The following ANO6 variants were observed in gnomAD, a reference collection of about 807,000 sequenced individuals.
ANO6 encodes the protein anoctamin-6.
In ANO6, 106 loss-of-function variants were observed where a neutral mutation model predicts 117.5. That is an observed-to-expected ratio of 0.90 (90% CI 0.77 to 1.06). The LOEUF (loss-of-function observed/expected upper bound fraction) is 1.06. Among genes scored for constraint, ANO6 ranks in the 50% least tolerant of loss-of-function variants. ANO6 has a pLI of 0.00. For missense variants in ANO6, 955 were observed against 1,121.1 expected (o/e 0.85, Z 2.12); for synonymous variants, 367 against 385.1 (o/e 0.95, Z 0.55).
chr12:45,333,154 A>C (rs1940724523), intron 3 of ANO6, among the ~76,000 whole-genome samples: 1 of 152,060 alleles, frequency 6.6e-6, no homozygotes, highest in Admixed American at 6.6e-5. Flanking sequence ...GATTAAATAA[A>C]ATAACATATA....
At chr12:45,221,293 TCAGA>T (rs1165444261) in intron 1 of ANO6, among the ~76,000 whole-genome samples, 1 of 152,174 alleles carries the variant, frequency 6.6e-6, no homozygotes, top group Non-Finnish European at 1.5e-5. Context: ...CTCTGCATCA[TCAGA>T]CAGAGATTTG....
chr12:45,260,265 C>G (rs926432193), intron 1 of ANO6, among the ~76,000 whole-genome samples: 1 of 152,218 alleles, frequency 6.6e-6, no homozygotes, highest in Non-Finnish European at 1.5e-5. Context: ...TTTCCATTAT[C>G]CTTGCTTTGT....
At chr12:45,236,977 G>C (rs953926973) in intron 1 of ANO6, among the ~76,000 whole-genome samples, 1 of 152,094 alleles carries the variant, frequency 6.6e-6, no homozygotes, top group Non-Finnish European at 1.5e-5. Context: ...CTCTGATGAC[G>C]GGGGATGATG....
At chr12:45,374,906 G>A (rs1941960085) in intron 9 of ANO6, among the ~76,000 whole-genome samples, 1 of 152,060 alleles carries the variant, frequency 6.6e-6, no homozygotes, top group South Asian at 2.1e-4. Context: ...AAAAGAGGAA[G>A]TCAAATTGTC....
At chr12:45,339,733 A>G (rs891938482) in intron 3 of ANO6, among the ~76,000 whole-genome samples, 1 of 152,122 alleles carries the variant, frequency 6.6e-6, no homozygotes, top group African/African-American at 2.4e-5. Flanking sequence ...CGGGAGAACT[A>G]ATAAATAGCA....
chr12:45,344,911 T>C (rs1941085571), intron 3 of ANO6, among the ~76,000 whole-genome samples: 1 of 152,132 alleles, frequency 6.6e-6, no homozygotes, highest in Admixed American at 6.5e-5. Context: ...GAAGAACTTC[T>C]CAGGATGAAT....
intron 10 of ANO6, among the ~76,000 whole-genome samples, chr12:45,381,651 G>A (rs1402796277): frequency 6.6e-6 from 1 of 152,062 alleles, no homozygotes; most frequent in Non-Finnish European, 1.5e-5. Flanking sequence ...AATTCCCAGG[G>A]GTTTTCCTTC....
At chr12:45,319,035 T>C (rs10880771) in intron 2 of ANO6, among the ~76,000 whole-genome samples, 119,320 of 152,072 alleles carry the variant, frequency 0.78, 49,746 homozygotes, top group Non-Finnish European at 0.94. Context: ...TGGGGTTTTC[T>C]AGATATACAA....
chr12:45,411,860 C>G (rs1046303817), intron 16 of ANO6, among the ~76,000 whole-genome samples: 2 of 152,214 alleles, frequency 1.3e-5, no homozygotes, highest in African/African-American at 2.4e-5. Flanking sequence ...GTGCCTGCCT[C>G]TCTCCCCATT....
At chr12:45,344,486 A>T (rs1013373162) in intron 3 of ANO6, among the ~76,000 whole-genome samples, 1 of 152,182 alleles carries the variant, frequency 6.6e-6, no homozygotes, top group East Asian at 1.9e-4. Context: ...ACATATCTGG[A>T]GTCGGAGGAC....
intron 3 of ANO6, among the ~76,000 whole-genome samples, chr12:45,340,117 G>A (rs1045601720): frequency 1.3e-5 from 2 of 151,896 alleles, no homozygotes; most frequent in African/African-American, 2.4e-5. Context: ...CAAATGAGAT[G>A]TGTAATGTGT....
intron 1 of ANO6, among the ~76,000 whole-genome samples, chr12:45,249,484 C>A (rs1439622969): frequency 1.3e-5 from 2 of 152,104 alleles, no homozygotes; most frequent in Non-Finnish European, 2.9e-5. Flanking sequence ...TAGAATTCTT[C>A]TGATTCTAGA....
rs1947307751 is a variant in ANO6 at position 45,216,255 on chromosome 12, C to G, written c.-67C>G. 1.3e-6 allele frequency: 2 copies of G among 1,537,218 alleles called. No individual in the cohort carries two copies. The highest frequency in any genetic ancestry group is 1.8e-6 in the Non-Finnish European group (2 of 1,132,292). On this transcript the variant is annotated 5_prime_UTR_variant, in exon 1 of 20. Coordinates refer to ENST00000320560, the MANE Select transcript of ANO6 (RefSeq NM_001025356.3). ...TCCCCGATCCGGCCCCTGGGAGAGCCGCGCCGTTCTGGAACCCGGGAGCCC... is the reference window on the plus strand; with the variant it reads ...TCCCCGATCCGGCCCCTGGGAGAGCGGCGCCGTTCTGGAACCCGGGAGCCC...
In ANO6 at chr12:45,430,020, C is replaced by T. The variant is rs575191750; in HGVS notation, c.*709C>T. The T allele has an allele frequency of 2.1e-5, 21 of 985,442 alleles. No individual in the cohort carries two copies. The African/African-American group carries it at 2.3e-4, about 11-fold the overall frequency. The allele number at this position is 985,442 out of a possible 1,614,324, so 61.0% of individuals were successfully genotyped here. On this transcript the variant is annotated 3_prime_UTR_variant, in exon 20 of 20. Coordinates refer to ENST00000320560, the MANE Select transcript of ANO6 (RefSeq NM_001025356.3). The stretch of plus-strand genomic sequence containing the variant: ...TTCCAGGAGCACTCCTAGGAGGTTC[C>T]GTGCCTAATCAATGTTGACTGCTTT...
At chr12:45,229,922 C>T (rs558875763) in intron 1 of ANO6, among the ~76,000 whole-genome samples, 10 of 138,154 alleles carry the variant, frequency 7.2e-5, no homozygotes, top group African/African-American at 2.7e-4. Context: ...TCATACGAAA[C>T]GGTTGTATCA....
intron 2 of ANO6, among the ~76,000 whole-genome samples, chr12:45,304,492 A>C (rs540723837): frequency 3.3e-5 from 5 of 152,180 alleles, no homozygotes; most frequent in African/African-American, 9.6e-5. Flanking sequence ...TGAAAAATCA[A>C]TATTCTGTTT....
chr12:45,412,690 C>T (rs1041985633), intron 16 of ANO6, among the ~76,000 whole-genome samples: 3 of 152,180 alleles, frequency 2.0e-5, no homozygotes, highest in African/African-American at 7.2e-5. Context: ...TCCTCCAGCT[C>T]TTCATTTGTT....
Position 45,431,803 on chromosome 12 carries a change from A to C in ANO6, c.*2492A>C, listed in dbSNP as rs1943639034. 3 of 985,308 alleles carry C rather than the reference A, an allele frequency of 3.0e-6. No homozygotes were observed. The South Asian group carries it at 1.4e-4, about 46-fold the overall frequency. 61.0% of individuals were successfully genotyped at this position (985,308 alleles called of 1,614,324 possible). On this transcript the variant is annotated 3_prime_UTR_variant, in exon 20 of 20. Transcript: ENST00000320560. ...TGGCAGTGGACCTGTGAAGAGGGAG[A>C]ATCTAGCCTTCAGCCTGTCCAGTGT...
At chr12:45,370,652 T>C (rs191510724) in intron 9 of ANO6, among the ~76,000 whole-genome samples, 59 of 152,332 alleles carry the variant, frequency 3.9e-4, no homozygotes, top group African/African-American at 1.4e-3. Context: ...ACCTTTCTTA[T>C]AATTTTACAA....
Sources: gnomAD v4.1 joint callset for allele counts (sites outside exome capture counted in the v4.1 genomes callset) on GRCh38, gnomAD v4.1.1 for gene constraint, MANE v1.5 for transcripts, NCBI Gene and HGNC (gene_info 2026-07-23, HGNC 2026-07-21) for gene names.